The following TRMT1L variants were observed in gnomAD, a reference collection of about 807,000 sequenced individuals.
TRMT1L encodes the protein tRNA methyltransferase 1L.
Under a neutral mutation model 81.6 loss-of-function variants are expected in TRMT1L, and 28 were observed. The ratio of observed to expected loss-of-function variants is 0.34; its 90% CI spans 0.25 to 0.47. The LOEUF (loss-of-function observed/expected upper bound fraction) is 0.47. TRMT1L is among the 20% of genes least tolerant of loss of function. The pLI is 1.00. For synonymous variants in TRMT1L, 301 were observed against 303.2 expected, an observed-to-expected ratio of 0.99 and a Z score of 0.07; for missense variants, 739 against 877.1, an observed-to-expected ratio of 0.84 and a Z score of 1.99.
chr1:185,125,515 TCTAAA>T (rs1652602638), intron 11 of TRMT1L, among the ~76,000 whole-genome samples: 1 of 152,102 alleles, frequency 6.6e-6, no homozygotes. Flanking sequence ...ATATCAGTTC[TCTAAA>T]CTAGTAGCAT....
At chr1:185,152,032 A>T in intron 1 of TRMT1L, 97 bp from the exon 2 acceptor site, 1 of 645,556 alleles carries the variant, frequency 1.5e-6, no homozygotes, top group Non-Finnish European at 2.5e-6. Context: ...CCTATAACAC[A>T]GTGTTATGGA....
chr1:185,125,871 T>C (rs986202239), intron 11 of TRMT1L, among the ~76,000 whole-genome samples: 6 of 152,086 alleles, frequency 3.9e-5, no homozygotes, highest in South Asian at 4.1e-4. Flanking sequence ...TAGTCACTAA[T>C]AGAAAATCTT....
At chr1:185,124,518 T>G (rs1168902685) in intron 12 of TRMT1L, among the ~76,000 whole-genome samples, 1 of 151,836 alleles carries the variant, frequency 6.6e-6, no homozygotes, top group Non-Finnish European at 1.5e-5. Flanking sequence ...GACAATATGG[T>G]GAGACCCCAT....
chr1:185,151,146 T>G (rs1417052160), intron 2 of TRMT1L, among the ~76,000 whole-genome samples: 1 of 152,180 alleles, frequency 6.6e-6, no homozygotes, highest in African/African-American at 2.4e-5. Context: ...ATAAAAACTT[T>G]GATAGTATAG....
In TRMT1L at chr1:185,120,216, G is replaced by A; in HGVS notation, c.2005C>T (p.His669Tyr). The A allele has an allele frequency of 1.2e-6, 2 of 1,608,422 alleles. No homozygotes were observed. Among genetic ancestry groups the A allele is most frequent in the Non-Finnish European group, 1.7e-6 (2 of 1,176,374 alleles). Residue 669 changes from histidine to tyrosine, a missense_variant, in exon 15 of 15, where the codon CAT (histidine) becomes TAT (tyrosine). His to Tyr is a moderately conservative substitution (Grantham distance 83, BLOSUM62 2). Around this residue, in one of 4 missense-constraint regions of TRMT1L, gnomAD observed 196 missense variants for 232.6 expected, o/e 0.84. Transcript: ENST00000367506. Reference protein sequence around the residue: ...SQAGFRVSRTHFDPMGVRTDA... With the variant: ...SQAGFRVSRTYFDPMGVRTDA... ...GTGCGTACACCCATTGGGTCAAAAT[G>A]AGTTCGGCTTACTCGAAAGCCTGCT...
At chr1:185,124,251 A>C (rs1481153519) in intron 12 of TRMT1L, among the ~76,000 whole-genome samples, 1 of 152,104 alleles carries the variant, frequency 6.6e-6, no homozygotes, top group Non-Finnish European at 1.5e-5. Context: ...AGATATTACA[A>C]TTTTTGGCCA....
intron 10 of TRMT1L, chr1:185,137,357 T>G: frequency 1.8e-6 from 1 of 548,636 alleles, no homozygotes; most frequent in Non-Finnish European, 3.3e-6. Flanking sequence ...GAGTGGAAAC[T>G]AAGTTATTTC....
rs144702865 is a variant in TRMT1L, at chr1:185,118,142, A to G, written c.*1877T>C. The stretch of plus-strand genomic sequence containing the variant: ...TTAATGAAAGGATACAACTGATGCT[A>G]CTTTACAACATGATAAACATTTGCA... On this transcript the variant is annotated 3_prime_UTR_variant, in exon 15 of 15. Transcript: ENST00000367506. 6.6e-6 allele frequency: 1 copy of G among 152,324 alleles called. No individual in the cohort carries two copies. The highest frequency in any genetic ancestry group is 2.4e-5 in the African/African-American group (1 of 41,582). 9.4% of individuals were successfully genotyped at this position (152,324 alleles called of 1,614,324 possible). A position where few individuals can be genotyped will look rare whatever the true frequency, so the allele number is the denominator to read the frequency against.
In TRMT1L at chr1:185,140,525, C is replaced by A. The variant is rs181429493; in HGVS notation, c.860-303G>T. Among the ~76,000 whole-genome samples the A allele has an allele frequency of 4.0e-3, 604 of 151,480 alleles. 1 individual carries two copies. The highest frequency in any genetic ancestry group is 6.8e-3 in the Middle Eastern group (2 of 294). On this transcript the variant is annotated intron_variant, in intron 7 of 14. Coordinates refer to ENST00000367506, the MANE Select transcript of TRMT1L (RefSeq NM_030934.5). ...TTTTCTTTTTTGCTTTTTTTCTGACCATGGAATACTTTATACAAATGGGAT... is the reference window on the plus strand; with the variant it reads ...TTTTCTTTTTTGCTTTTTTTCTGACAATGGAATACTTTATACAAATGGGAT...
rs528529760 is a variant in TRMT1L, at chr1:185,146,250, A to G, written c.526-682T>C. ...CAACCAGCTTGAAAGATTTCTGGAAATTTGAGCCAGCTCCAGTACCCCACT... is the reference window on the plus strand; with the variant it reads ...CAACCAGCTTGAAAGATTTCTGGAAGTTTGAGCCAGCTCCAGTACCCCACT... On this transcript the variant is annotated intron_variant, in intron 4 of 14. Transcript: ENST00000367506. 2.0e-5 allele frequency among the ~76,000 whole-genome samples: 3 copies of G among 152,162 alleles called. No individual in the cohort carries two copies. In the South Asian group the frequency reaches 6.2e-4, roughly 31 times the overall value.
At chr1:185,135,365 G>A (rs1652870880) in intron 10 of TRMT1L, among the ~76,000 whole-genome samples, 1 of 149,428 alleles carries the variant, frequency 6.7e-6, no homozygotes, top group Non-Finnish European at 1.5e-5. Context: ...GCAGTGAGCC[G>A]ATACTGTGCC....
In TRMT1L at chr1:185,156,512, C is replaced by T. The variant is rs1335473889; in HGVS notation, c.201G>A (p.Pro67=). ...CCTCCTCAGGGGCAGAGGCTAGGGA[C>T]GGGGACAGGGCCGGAGCCTGGGCCA... ...PALAQAPALS[P]SLASAPEEAK... Residue 67 remains proline (P), a synonymous_variant, in exon 1 of 15, where the codon CCG becomes CCA. Transcript: ENST00000367506. 4 of 1,613,624 alleles carry T rather than the reference C, an allele frequency of 2.5e-6. No homozygotes were observed. Among genetic ancestry groups the T allele is most frequent in the Non-Finnish European group, 3.4e-6 (4 of 1,179,852 alleles).
In TRMT1L at chr1:185,156,728, G is replaced by A. The variant is rs770153401; in HGVS notation, c.-16C>T. ...TATTCTCCATAGTTACCGCCTCCGT[G>A]CCAAGCCCGCCCGGGGACCCGGAGC... On this transcript the variant is annotated 5_prime_UTR_variant, in exon 1 of 15. Coordinates refer to ENST00000367506, the MANE Select transcript of TRMT1L (RefSeq NM_030934.5). 3 of 1,611,912 alleles carry A rather than the reference G, an allele frequency of 1.9e-6. No individual in the cohort carries two copies. Among genetic ancestry groups the A allele is most frequent in the East Asian group, 2.2e-5 (1 of 44,764 alleles).
At chr1:185,147,312 G>T in intron 3 of TRMT1L, 66 bp from the exon 4 acceptor site, 1 of 1,237,984 alleles carries the variant, frequency 8.1e-7, no homozygotes, top group Non-Finnish European at 1.2e-6. Context: ...AAAATTATAA[G>T]CAAGTTTTAT....
intron 7 of TRMT1L, among the ~76,000 whole-genome samples, chr1:185,142,277 G>A (rs902660927): frequency 5.3e-5 from 8 of 152,128 alleles, no homozygotes; most frequent in South Asian, 2.1e-4. Context: ...CTATCAAAGC[G>A]ATAAAGCTGG....
intron 5 of TRMT1L, among the ~76,000 whole-genome samples, chr1:185,144,298 C>T (rs1246645725): frequency 6.6e-6 from 1 of 151,988 alleles, no homozygotes; most frequent in Non-Finnish European, 1.5e-5. Context: ...TCTTGACTGT[C>T]CAGCACATCA....
At chr1:185,125,930 A>G (rs919192179) in intron 11 of TRMT1L, among the ~76,000 whole-genome samples, 1 of 152,164 alleles carries the variant, frequency 6.6e-6, no homozygotes, top group African/African-American at 2.4e-5. Flanking sequence ...AGGGCAGGGG[A>G]GCACATATAT....
At chr1:185,152,997 A>G (rs56107433) in intron 1 of TRMT1L, among the ~76,000 whole-genome samples, 15,207 of 152,154 alleles carry the variant, frequency 0.1, 988 homozygotes, top group East Asian at 0.25. Context: ...AAAGCCTAAG[A>G]AAAAAAGTGT....
chr1:185,133,480 CA>C, intron 10 of TRMT1L, among the ~76,000 whole-genome samples: 1 of 152,058 alleles, frequency 6.6e-6, no homozygotes, highest in South Asian at 2.1e-4. Flanking sequence ...GTTCTAGAGA[CA>C]AATTTCTAAC....
Sources: gnomAD v4.1 joint callset for allele counts (sites outside exome capture counted in the v4.1 genomes callset) on GRCh38, gnomAD v4.1.1 for gene constraint, gnomAD v4.1.1 regional missense constraint, MANE v1.5 for transcripts, NCBI Gene and HGNC (gene_info 2026-07-23, HGNC 2026-07-21) for gene names.